The following MLPH variants were observed in gnomAD, a reference collection of about 807,000 sequenced individuals.
MLPH encodes the protein exophilin-3.
In MLPH, 51 loss-of-function variants were observed where a neutral mutation model predicts 72.1. The observed-to-expected ratio is 0.71, with a 90% CI of 0.56 to 0.89. MLPH has a LOEUF of 0.89. MLPH is among the 40% of genes least tolerant of loss of function. The pLI is 0.00. For synonymous variants in MLPH, 301 were observed against 310.1 expected, an observed-to-expected ratio of 0.97 and a Z score of 0.31; for missense variants, 743 against 759.9, an observed-to-expected ratio of 0.98 and a Z score of 0.26.
chr2:237,489,160 C>T (rs1354303359), intron 1 of MLPH, among the ~76,000 whole-genome samples: 2 of 152,258 alleles, frequency 1.3e-5, no homozygotes, highest in Non-Finnish European at 2.9e-5. Context: ...GCTCCCACCT[C>T]TCAGCACCAT....
At chr2:237,542,485 C>A in intron 11 of MLPH, 82 bp from the exon 12 acceptor site, 2 of 1,131,958 alleles carry the variant, frequency 1.8e-6, no homozygotes, top group South Asian at 1.3e-5. Context: ...GAGCTGGGGG[C>A]AGCTGCTCTT....
intron 5 of MLPH, among the ~76,000 whole-genome samples, chr2:237,519,297 C>G (rs6742601): frequency 0.26 from 39,040 of 151,924 alleles, 6,507 homozygotes; most frequent in African/African-American, 0.48. Flanking sequence ...CATGAACCAA[C>G]TCTTTGCGGC....
At chr2:237,496,847 C>T (rs569389088) in intron 2 of MLPH, among the ~76,000 whole-genome samples, 2 of 152,260 alleles carry the variant, frequency 1.3e-5, no homozygotes, top group East Asian at 3.9e-4. Flanking sequence ...AGTGTTAGGT[C>T]GAGAATACTG....
chr2:237,495,824 G>A (rs968371083), intron 2 of MLPH, among the ~76,000 whole-genome samples: 20 of 152,138 alleles, frequency 1.3e-4, no homozygotes, highest in African/African-American at 4.6e-4. Flanking sequence ...CCTTCTCAAA[G>A]CCTGAGCAGA....
rs1166345511 is a variant in MLPH at position 237,516,782 on chromosome 2, TG to T, written c.446-1755del. On this transcript the variant is annotated intron_variant, in intron 4 of 15. Transcript: ENST00000264605. ...GGATTGTGGGAGAGGGAGAGATGAA[TG>T]GATGGATGGATGGATGGATGGATGG... 1.5e-4 allele frequency among the ~76,000 whole-genome samples: 7 copies of T among 45,998 alleles called. No homozygotes were observed. In the African/African-American group the frequency reaches 1.9e-3, roughly 12 times the overall value. The allele number at this position is 45,998 out of a possible 152,430, so 30.2% of individuals were successfully genotyped here. A position where few individuals can be genotyped will look rare whatever the true frequency, so the allele number is the denominator to read the frequency against.
chr2:237,490,077 G>C (rs896691165), intron 1 of MLPH, among the ~76,000 whole-genome samples: 3 of 152,176 alleles, frequency 2.0e-5, no homozygotes, highest in Non-Finnish European at 1.5e-5. Flanking sequence ...CAGGAACCTC[G>C]TGAGCAGGCG....
Position 237,525,631 on chromosome 2 carries a change from G to A in MLPH, c.706G>A (p.Ala236Thr), listed in dbSNP as rs199710882. Residue 236 changes from alanine (A) to threonine (T), a missense_variant, in exon 7 of 16, where the codon GCA becomes ACA. Ala to Thr is a moderately conservative substitution (Grantham distance 58). Coordinates refer to ENST00000264605, the MANE Select transcript of MLPH (RefSeq NM_024101.7). ...CACAGATGAGTCCTGCTCAGAGAAG[G>A]CAGCCCCTCACAAGGCTGAGGGCCT... is the stretch of plus-strand genomic sequence containing the variant. The part of the protein sequence containing the change: ...SLTDESCSEK[A>T]APHKAEGLEE... The A allele has an allele frequency of 1.2e-4, 194 of 1,614,146 alleles. No homozygotes were observed. Among genetic ancestry groups the A allele is most frequent in the South Asian group, 1.2e-3 (107 of 91,080 alleles).
chr2:237,548,741 T>A (rs2080970388), intron 13 of MLPH, among the ~76,000 whole-genome samples: 1 of 152,110 alleles, frequency 6.6e-6, no homozygotes, highest in Admixed American at 6.5e-5. Context: ...TAGCCGGGCG[T>A]GGTGGCGGGC....
At chr2:237,542,931 G>A (rs1178907273) in intron 12 of MLPH, among the ~76,000 whole-genome samples, 18 of 32,630 alleles carry the variant, frequency 5.5e-4, no homozygotes, top group African/African-American at 6.1e-4. Context: ...TGGGGACAGT[G>A]GTGAGTGGGG....
Position 237,494,907 on chromosome 2 carries a change from T to C in MLPH, c.110+1371T>C, listed in dbSNP as rs142539284. Among the ~76,000 whole-genome samples, 597 of 152,342 alleles carry C rather than the reference T, an allele frequency of 3.9e-3. 13 individuals carry two copies. The South Asian group carries it at 0.042, about 11-fold the overall frequency. On this transcript the variant is annotated intron_variant, in intron 2 of 15. Coordinates refer to ENST00000264605, the MANE Select transcript of MLPH (RefSeq NM_024101.7). ...GCATATGTGACTTGTACAGTACAGA[T>C]TTAGTGGTTTAAAACACACAGCTGT...
chr2:237,528,236 A>T (rs1014086510), intron 8 of MLPH, among the ~76,000 whole-genome samples: 3 of 152,184 alleles, frequency 2.0e-5, no homozygotes, highest in African/African-American at 7.2e-5. Context: ...TATACTTAAT[A>T]CCTTAAAAAT....
intron 5 of MLPH, 43 bp downstream of exon 5, chr2:237,518,691 C>T (rs764559487): frequency 4.1e-6 from 6 of 1,480,920 alleles, no homozygotes; most frequent in Non-Finnish European, 4.7e-6. Context: ...ACCTCGATTC[C>T]ATCCCGCAGC....
rs116154326 is a variant in MLPH, at chr2:237,517,784, C to T, written c.446-755C>T. ...GGATGGATAAGTAAATGGATGGGTG[C>T]ATTGGTGGGTGGATGAGTGGGCAGC... On this transcript the variant is annotated intron_variant, in intron 4 of 15. Coordinates refer to ENST00000264605, the MANE Select transcript of MLPH (RefSeq NM_024101.7). Among the ~76,000 whole-genome samples, 538 of 127,154 alleles carry T rather than the reference C, an allele frequency of 4.2e-3. 7 individuals are homozygous for T. Among genetic ancestry groups the T allele is most frequent in the African/African-American group, 0.015 (499 of 33,218 alleles). The allele number at this position is 127,154 out of a possible 152,430, so 83.4% of individuals were successfully genotyped here.
chr2:237,546,667 C>A lies in MLPH; in HGVS notation c.1601C>A (p.Pro534His). 1 of 1,614,170 alleles carries A rather than the reference C, an allele frequency of 6.2e-7. No individual in the cohort carries two copies. The highest frequency in any genetic ancestry group is 8.5e-7 in the Non-Finnish European group (1 of 1,179,994). ...AGACCAGAGGACCCAAATGCAGACC[C>A]TTCAAGTGAGGCCAAGGTATGTGTT... Reference protein sequence around the residue: ...GKRPEDPNADPSSEAKAMAVP... With the variant: ...GKRPEDPNADHSSEAKAMAVP... The change falls in exon 13 of 16, where the codon CCT becomes CAT. Residue 534 changes from proline to histidine, a missense_variant. Coordinates refer to ENST00000264605, the MANE Select transcript of MLPH (RefSeq NM_024101.7).
chr2:237,496,501 C>G (rs2079538813), intron 2 of MLPH, among the ~76,000 whole-genome samples: 1 of 152,018 alleles, frequency 6.6e-6, no homozygotes. Flanking sequence ...AGGTCACCTC[C>G]CAGAACTCTT....
chr2:237,507,161 G>A (rs1249853977), intron 2 of MLPH: 1 of 144,254 alleles, frequency 6.9e-6, no homozygotes, highest in Non-Finnish European at 1.5e-5. Context: ...CCACCTCCTA[G>A]GTTCAAGCGA....
At chr2:237,521,243 G>A (rs931647428) in intron 6 of MLPH, among the ~76,000 whole-genome samples, 3 of 152,138 alleles carry the variant, frequency 2.0e-5, no homozygotes, top group African/African-American at 7.2e-5. Flanking sequence ...TTAAGGAGGT[G>A]GCAATAAGAG....
intron 15 of MLPH, 51 bp downstream of exon 15, chr2:237,552,488 CA>C: frequency 6.9e-7 from 1 of 1,447,720 alleles, no homozygotes; most frequent in South Asian, 1.1e-5. Flanking sequence ...AGTGACCCGT[CA>C]GATTTATGTA....
chr2:237,540,009 T>A (rs1483664727), intron 9 of MLPH, among the ~76,000 whole-genome samples: 1 of 151,994 alleles, frequency 6.6e-6, no homozygotes, highest in Non-Finnish European at 1.5e-5. Context: ...TCCACACCCC[T>A]CTCTCCTCAT....
Sources: gnomAD v4.1 joint callset for allele counts (sites outside exome capture counted in the v4.1 genomes callset) on GRCh38, gnomAD v4.1.1 for gene constraint, MANE v1.5 for transcripts, NCBI Gene and HGNC (gene_info 2026-07-23, HGNC 2026-07-21) for gene names.